The following TRAK1 variants were observed in gnomAD, a reference collection of about 807,000 sequenced individuals.
The protein encoded by TRAK1 is trafficking kinesin protein 1, also known as trafficking kinesin-binding protein 1.
TRAK1 carries 33 observed loss-of-function variants against 92.1 expected under a neutral mutation model. The observed-to-expected ratio is 0.36, with a 90% CI of 0.27 to 0.48. The LOEUF (loss-of-function observed/expected upper bound fraction) is 0.48. Ranked by LOEUF, TRAK1 falls within the 20% of genes least tolerant of loss-of-function variation. The probability of loss-of-function intolerance (pLI) is 0.99; values close to 1 mark genes in which losing one functional copy is unlikely to be tolerated. For missense variants in TRAK1, 1,123 were observed against 1,257.9 expected, an observed-to-expected ratio of 0.89 and a Z score of 1.62; for synonymous variants, 521 against 517.3, an observed-to-expected ratio of 1.01 and a Z score of -0.10.
At chr3:42,136,453 C>T (rs1392523133) in intron 2 of TRAK1, among the ~76,000 whole-genome samples, 2 of 151,938 alleles carry the variant, frequency 1.3e-5, no homozygotes, top group Admixed American at 1.3e-4. Flanking sequence ...AGGGAAACCC[C>T]CATCACTATA....
chr3:42,201,160 C>A, intron 12 of TRAK1, 106 bp downstream of exon 12: 1 of 1,238,706 alleles, frequency 8.1e-7, no homozygotes, highest in Non-Finnish European at 1.2e-6. Context: ...TGAGAGTCAC[C>A]TGAAAAATAC....
chr3:42,210,923 A>G lies in TRAK1; in HGVS notation c.1963+938A>G, dbSNP rs1160927022. 5 of 985,380 alleles carry G rather than the reference A, an allele frequency of 5.1e-6. No individual in the cohort carries two copies. In the African/African-American group the frequency reaches 5.2e-5, roughly 10 times the overall value. 61.0% of individuals were successfully genotyped at this position (985,380 alleles called of 1,614,324 possible). A position where few individuals can be genotyped will look rare whatever the true frequency, so the allele number is the denominator to read the frequency against. On this transcript the variant is annotated intron_variant, in intron 14 of 15. Transcript: ENST00000327628. ...CATTCCAGTTGCCACTGGGATGAAA[A>G]GCTTTGTGCTCAGAGCTCTGGGAAT...
chr3:42,040,512 A>G (rs1315197754), intron 1 of TRAK1, among the ~76,000 whole-genome samples: 1 of 152,132 alleles, frequency 6.6e-6, no homozygotes, highest in Non-Finnish European at 1.5e-5. Context: ...TTACATATGG[A>G]TATCTGATTG....
Position 42,223,495 on chromosome 3 carries a change from C to T in TRAK1, c.2620C>T (p.Leu874Phe), listed in dbSNP as rs781591087. Residue 874 changes from leucine to phenylalanine, a missense_variant, in exon 16 of 16, where the codon CTC becomes TTC. Transcript: ENST00000327628. This position sits in a 1 kb window ranked among gnomAD's most constrained non-coding sequence, Gnocchi z 6.1. ...PTLTEEQGPL[L>F]CGPPGPAPAL... ...CTTGACTGAGGAGCAGGGACCCCTC[C>T]TCTGTGGGCCCCCGGGGCCAGCACC... 7 of 1,613,642 alleles carry T rather than the reference C, an allele frequency of 4.3e-6. No homozygotes were observed. In the African/African-American group the frequency reaches 5.3e-5, roughly 12 times the overall value.
At chr3:42,113,368 GCCTACC>G (rs199566316) in intron 1 of TRAK1, among the ~76,000 whole-genome samples, 4,479 of 128,608 alleles carry the variant, frequency 0.035, 102 homozygotes, top group Middle Eastern at 0.054. Context: ...CTACGCCTAC[GCCTACC>G]CCTACCCCTA....
intron 6 of TRAK1, among the ~76,000 whole-genome samples, chr3:42,190,126 C>T (rs1339238705): frequency 6.6e-6 from 1 of 152,098 alleles, no homozygotes; most frequent in Non-Finnish European, 1.5e-5. Flanking sequence ...ACCCACTGCC[C>T]CTCTCTAGAA....
rs397989334 is a variant in TRAK1 at position 42,219,786 on chromosome 3, GTTTT to G, written c.2066+214_2066+217del. Among the ~76,000 whole-genome samples, 458 of 63,532 alleles carry G rather than the reference GTTTT, an allele frequency of 7.2e-3. 33 individuals are homozygous for G. The highest frequency in any genetic ancestry group is 0.019 in the African/African-American group (428 of 23,070). 41.7% of individuals were successfully genotyped at this position (63,532 alleles called of 152,430 possible). A position where few individuals can be genotyped will look rare whatever the true frequency, so the allele number is the denominator to read the frequency against. ...ATCCTTCCTTTTGTTGTTGTTATGTGTTTTTTTTTTTTTTTTTTTTTTTTTTTGA... is the reference window on the plus strand; with the variant it reads ...ATCCTTCCTTTTGTTGTTGTTATGTGTTTTTTTTTTTTTTTTTTTTTTTGA... On this transcript the variant is annotated intron_variant, in intron 15 of 15. Transcript: ENST00000327628.
chr3:42,060,015 G>T (rs1703361372), intron 1 of TRAK1, among the ~76,000 whole-genome samples: 1 of 152,120 alleles, frequency 6.6e-6, no homozygotes, highest in Non-Finnish European at 1.5e-5. Flanking sequence ...CTTTCCCCCT[G>T]CATAAGAAAT....
intron 1 of TRAK1, among the ~76,000 whole-genome samples, chr3:42,104,573 C>T (rs562693173): frequency 6.6e-5 from 10 of 152,298 alleles, no homozygotes; most frequent in South Asian, 2.1e-4. Flanking sequence ...TGGTGATACC[C>T]GGGCAAACAG....
intron 1 of TRAK1, among the ~76,000 whole-genome samples, chr3:42,073,724 TA>T (rs1465859651): frequency 3.3e-5 from 5 of 152,228 alleles, no homozygotes; most frequent in Admixed American, 3.3e-4. Context: ...GTTCAACTTT[TA>T]CATGATATTT....
chr3:42,167,690 C>G (rs1403355328), intron 2 of TRAK1, among the ~76,000 whole-genome samples: 1 of 152,160 alleles, frequency 6.6e-6, no homozygotes, highest in Non-Finnish European at 1.5e-5. Context: ...ACCATCCTGG[C>G]TAACATGATG....
At chr3:42,082,694 T>C (rs1000353559), upstream of TRAK1, among the ~76,000 whole-genome samples, 1 of 152,168 alleles carries the variant, frequency 6.6e-6, no homozygotes, top group African/African-American at 2.4e-5. Context: ...CATATTGATT[T>C]AAATGAAACT....
intron 1 of TRAK1, among the ~76,000 whole-genome samples, chr3:42,036,842 G>A (rs1702345363): frequency 6.6e-6 from 1 of 152,112 alleles, no homozygotes; most frequent in Non-Finnish European, 1.5e-5. Flanking sequence ...CTCGAACTTT[G>A]GGGCTCAAGC....
chr3:42,166,005 C>T (rs1002039541), intron 2 of TRAK1, among the ~76,000 whole-genome samples: 5 of 152,100 alleles, frequency 3.3e-5, no homozygotes, highest in African/African-American at 1.2e-4. Context: ...CTCTGCCATC[C>T]CCAGCTTTCT....
At chr3:42,155,424 C>A (rs1700429122) in intron 2 of TRAK1, among the ~76,000 whole-genome samples, 1 of 152,134 alleles carries the variant, frequency 6.6e-6, no homozygotes, top group African/African-American at 2.4e-5. Flanking sequence ...TGCTTCTGCT[C>A]AAAATAATCC....
chr3:42,194,768 G>A, intron 9 of TRAK1, 36 bp from the exon 10 acceptor site: 2 of 1,609,220 alleles, frequency 1.2e-6, no homozygotes, highest in South Asian at 2.2e-5. Flanking sequence ...TGGGTGCTCA[G>A]GAGATCCTGA....
In TRAK1 at chr3:42,218,539, T is replaced by C. The variant is rs77765858; in HGVS notation, c.1964-955T>C. ...TTTTTTATTTTATTATTATTTTTTT[T>C]CCTGATGCTTGAGTTATGAATGAGG... On this transcript the variant is annotated intron_variant, in intron 14 of 15. Coordinates refer to ENST00000327628, the MANE Select transcript of TRAK1 (RefSeq NM_001042646.3). The C allele has an allele frequency of 1.8e-5, 18 of 984,420 alleles. No homozygotes were observed. The Admixed American group carries it at 6.2e-4, about 34-fold the overall frequency. The allele number at this position is 984,420 out of a possible 1,614,324, so 61.0% of individuals were successfully genotyped here. A position where few individuals can be genotyped will look rare whatever the true frequency, so the allele number is the denominator to read the frequency against.
At chr3:42,153,245 A>G (rs1396985485) in intron 2 of TRAK1, among the ~76,000 whole-genome samples, 2 of 152,114 alleles carry the variant, frequency 1.3e-5, no homozygotes, top group Non-Finnish European at 2.9e-5. Flanking sequence ...CTGTACAAAA[A>G]ATAAAAACAT....
chr3:42,131,207 TC>T (rs1351807131), intron 2 of TRAK1, among the ~76,000 whole-genome samples: 2 of 152,054 alleles, frequency 1.3e-5, no homozygotes, highest in Non-Finnish European at 2.9e-5. Context: ...GGCTCCTGTC[TC>T]CCCTCATCCT....
Sources: allele counts gnomAD v4.1 joint callset (sites outside exome capture counted in the v4.1 genomes callset), GRCh38; gene constraint gnomAD v4.1.1; non-coding constraint Gnocchi (gnomAD v3.1); transcripts MANE v1.5; gene names NCBI Gene and HGNC (gene_info 2026-07-23, HGNC 2026-07-21).